Variants in UBR4 observed in about 807,000 individuals in gnomAD.
The protein encoded by UBR4 is E3 ubiquitin-protein ligase UBR4.
Under a neutral mutation model 575.6 loss-of-function variants are expected in UBR4, and 124 were observed. The ratio of observed to expected loss-of-function variants is 0.22; its 90% CI spans 0.19 to 0.25. The LOEUF (loss-of-function observed/expected upper bound fraction) is 0.25, where lower values mean the gene tolerates loss of function less well. Among genes scored for constraint, UBR4 ranks in the 10% least tolerant of loss-of-function variants. The probability of loss-of-function intolerance (pLI) is 1.00; values close to 1 mark genes in which losing one functional copy is unlikely to be tolerated. For missense variants in UBR4, 4,818 were observed against 6,478.8 expected (o/e 0.74, Z 8.80); for synonymous variants, 2,455 against 2,473.7 (o/e 0.99, Z 0.22).
At chr1:19,166,439 C>T (rs1243436477) in intron 29 of UBR4, among the ~76,000 whole-genome samples, 1 of 143,058 alleles carries the variant, frequency 7.0e-6, no homozygotes, top group Non-Finnish European at 1.5e-5. Context: ...TTTAAGTCTC[C>T]AAATCTAAAC....
Position 19,141,427 on chromosome 1 carries a change from A to AT in UBR4, c.8407dup (p.Met2803AsnfsTer7). ...ATCTGCATCAGGTGGGATGTCCAGCATGGGGGGGAAGCCCTCTGCGCCTGC... is the reference window on the plus strand; with the variant it reads ...ATCTGCATCAGGTGGGATGTCCAGCATTGGGGGGGAAGCCCTCTGCGCCTGC... On this transcript the variant is annotated frameshift_variant, in exon 57 of 106. Transcript: ENST00000375254. LOFTEE classifies it high-confidence loss of function. The AT allele has an allele frequency of 6.2e-7, 1 of 1,614,214 alleles. No individual in the cohort carries two copies. The highest frequency in any genetic ancestry group is 8.5e-7 in the Non-Finnish European group (1 of 1,180,026).
intron 97 of UBR4, among the ~76,000 whole-genome samples, chr1:19,091,466 G>A (rs780041150): frequency 6.6e-6 from 1 of 152,154 alleles, no homozygotes; most frequent in African/African-American, 2.4e-5. Flanking sequence ...ACGCAATGCT[G>A]AGGACTCTCA....
intron 15 of UBR4, among the ~76,000 whole-genome samples, chr1:19,184,774 T>C (rs866408417): frequency 3.3e-5 from 5 of 152,096 alleles, no homozygotes; most frequent in African/African-American, 1.2e-4. Flanking sequence ...ACTTTATAAA[T>C]AGTCTCTCTT....
chr1:19,081,519 G>A lies in UBR4; in HGVS notation c.15063C>T (p.Pro5021=). 2 of 1,613,920 alleles carry A rather than the reference G, an allele frequency of 1.2e-6. No homozygotes were observed. Among genetic ancestry groups the A allele is most frequent in the Non-Finnish European group, 1.7e-6 (2 of 1,180,010 alleles). The change falls in exon 103 of 106, where the codon CCC becomes CCT. Residue 5021 remains proline (P), a synonymous_variant. Coordinates refer to ENST00000375254, the MANE Select transcript of UBR4 (RefSeq NM_020765.3). ...EKNLQGFLEQ[P]KEKWVESAFE... ...AGGCACTCTCCACCCACTTCTCCTT[G>A]GGCTGTTCCAGAAAGCCTTGGAGGT...
In UBR4 at chr1:19,097,028, T is replaced by C. The variant is rs185528457; in HGVS notation, c.13390+165A>G. 5.3e-5 allele frequency among the ~76,000 whole-genome samples: 8 copies of C among 151,728 alleles called. No individual in the cohort carries two copies. The East Asian group carries it at 1.6e-3, about 30-fold the overall frequency. On this transcript the variant is annotated intron_variant, in intron 91 of 105. Transcript: ENST00000375254. ...TTTTGAACACTCAGTGGTATCTGCA[T>C]CATGCCACAGACACCTCTTTTTTTC... is the stretch of plus-strand genomic sequence containing the variant.
intron 17 of UBR4, among the ~76,000 whole-genome samples, chr1:19,182,477 G>A (rs1481867461): frequency 4.0e-5 from 6 of 151,792 alleles, no homozygotes; most frequent in Admixed American, 6.6e-5. Flanking sequence ...CTCGCCTCCC[G>A]AGTAGCTGAG....
At chr1:19,161,761 T>C in intron 36 of UBR4, 25 bp from the exon 37 acceptor site, 2 of 1,613,370 alleles carry the variant, frequency 1.2e-6, no homozygotes, top group Non-Finnish European at 1.7e-6. Flanking sequence ...AACCAGCAAA[T>C]AAGCTCAGAA....
At position 19,100,297 on chromosome 1, in the gene UBR4, G is replaced by C; in HGVS notation, c.13221+79C>G. On this transcript the variant is annotated intron_variant, in intron 89 of 105. Transcript: ENST00000375254. The surrounding 1 kb of genome is among the most constrained non-coding windows in gnomAD (Gnocchi z 4.2). The stretch of plus-strand genomic sequence containing the variant: ...CTGCCCCAAGTTAATCAGCTACTAG[G>C]AAGAAGCACCTGGATTTGGTTAGCC... The C allele has an allele frequency of 6.6e-7, 1 of 1,522,968 alleles. No individual in the cohort carries two copies. The highest frequency in any genetic ancestry group is 9.0e-7 in the Non-Finnish European group (1 of 1,105,148). 94.3% of individuals were successfully genotyped at this position (1,522,968 alleles called of 1,614,324 possible). A position where few individuals can be genotyped will look rare whatever the true frequency, so the allele number is the denominator to read the frequency against.
chr1:19,094,123 G>A lies in UBR4; in HGVS notation c.13763C>T (p.Thr4588Ile). ...CATCACCAGTTGATCCTTGTCACCT[G>A]TCAGGAGGAGGTTGCCCTGCAACAG... ...LSEDKGNLLL[T>I]GDKDQLVMLL... Residue 4588 changes from threonine to isoleucine, a missense_variant, in exon 95 of 106, where the codon ACA becomes ATA. Coordinates refer to ENST00000375254, the MANE Select transcript of UBR4 (RefSeq NM_020765.3). The A allele has an allele frequency of 2.5e-6, 4 of 1,613,536 alleles. No homozygotes were observed. Among genetic ancestry groups the A allele is most frequent in the Non-Finnish European group, 3.4e-6 (4 of 1,179,796 alleles).
intron 60 of UBR4, among the ~76,000 whole-genome samples, chr1:19,137,803 T>A (rs536577105): frequency 9.2e-5 from 14 of 152,318 alleles, no homozygotes; most frequent in Middle Eastern, 3.4e-3. Flanking sequence ...CTTTCTATTC[T>A]CTCCGTAATT....
In UBR4 at chr1:19,199,046, A is replaced by G. The variant is rs959720710; in HGVS notation, c.379-118T>C. On this transcript the variant is annotated intron_variant, in intron 3 of 105. Coordinates refer to ENST00000375254, the MANE Select transcript of UBR4 (RefSeq NM_020765.3). ...CCAAATTTAGGTTCATATAAACACT[A>G]AAGCAAAGACTGCAAGCTGATGTCC... is the stretch of plus-strand genomic sequence containing the variant. The G allele has an allele frequency of 4.1e-6, 5 of 1,210,296 alleles. No individual in the cohort carries two copies. In the African/African-American group the frequency reaches 6.1e-5, roughly 15 times the overall value. The allele number at this position is 1,210,296 out of a possible 1,614,324, so 75.0% of individuals were successfully genotyped here.
At chr1:19,077,597 G>A (rs1289550413) in intron 104 of UBR4, among the ~76,000 whole-genome samples, 2 of 152,174 alleles carry the variant, frequency 1.3e-5, no homozygotes, top group Non-Finnish European at 2.9e-5. Context: ...GCCGGGCGTG[G>A]TGGTGCCTGC....
rs1382354995 is a variant in UBR4 at position 19,097,175 on chromosome 1, T to C, written c.13390+18A>G. 1.2e-6 allele frequency: 2 copies of C among 1,602,928 alleles called. No homozygotes were observed. The highest frequency in any genetic ancestry group is 1.7e-5 in the Admixed American group (1 of 57,180). On this transcript the variant is annotated intron_variant, in intron 91 of 105. Transcript: ENST00000375254. ...TGAGTCCCAAGCCTCAGATCCAATGTGCAGTGCCATGATCTACCTGTAGTA... is the reference window on the plus strand; with the variant it reads ...TGAGTCCCAAGCCTCAGATCCAATGCGCAGTGCCATGATCTACCTGTAGTA...
rs1333652131 is a variant in UBR4 at position 19,156,276 on chromosome 1, C to T, written c.6067G>A (p.Val2023Ile). Residue 2023 changes from valine to isoleucine, a missense_variant, in exon 42 of 106, where the codon GTT (valine) becomes ATT (isoleucine). Val to Ile is a conservative substitution (Grantham distance 29). Transcript: ENST00000375254. ...TCAAAGAACTGTAACTGTACCTTAA[C>T]AAAGTCTGCGGTGACAATTGCTAAC... ...TELAIVTADF[V>I]KIYDLCVDAL... 6.2e-7 allele frequency: 1 copy of T among 1,613,952 alleles called. No homozygotes were observed. The highest frequency in any genetic ancestry group is 8.5e-7 in the Non-Finnish European group (1 of 1,179,976).
chr1:19,143,314 GAAA>G (rs2084348788), intron 55 of UBR4, among the ~76,000 whole-genome samples: 2 of 141,784 alleles, frequency 1.4e-5, no homozygotes, highest in South Asian at 2.3e-4. Flanking sequence ...AAGAAAGAAA[GAAA>G]GAAAATTTAA....
chr1:19,153,398 G>C lies in UBR4; in HGVS notation c.6735C>G (p.Asn2245Lys). 1 of 1,614,166 alleles carries C rather than the reference G, an allele frequency of 6.2e-7. No individual in the cohort carries two copies. Among genetic ancestry groups the C allele is most frequent in the Non-Finnish European group, 8.5e-7 (1 of 1,180,020 alleles). ...EDGSLRIYMA[N>K]VENTSYWLQP... ...GCAGCCAGTAGGAGGTGTTCTCCAC[G>C]TTGGCCATGTAAATGCGCAGGCTGC... Residue 2245 changes from asparagine to lysine, a missense_variant, in exon 46 of 106, where the codon AAC becomes AAG. Physicochemically the swap from Asn to Lys is moderately conservative, Grantham distance 94. This residue lies in a region of UBR4 where 461 missense variants were observed against 606.9 expected (regional missense o/e 0.76). Transcript: ENST00000375254. The surrounding 1 kb of genome is among the most constrained non-coding windows in gnomAD (Gnocchi z 4.1).
chr1:19,199,655 G>A lies in UBR4; in HGVS notation c.374C>T (p.Ser125Phe). The A allele has an allele frequency of 6.2e-7, 1 of 1,613,994 alleles. No individual in the cohort carries two copies. The highest frequency in any genetic ancestry group is 8.5e-7 in the Non-Finnish European group (1 of 1,179,946). The part of the protein sequence containing the change: ...LENPDEACAV[S>F]QKHLILLIKG... ...AAATGGGCCCATCACTCTCACCTGG[G>A]ACACAGCACAAGCCTCATCTGGATT... is the stretch of plus-strand genomic sequence containing the variant. Residue 125 changes from serine (S) to phenylalanine (F), a missense_variant, in exon 3 of 106, where the codon TCC becomes TTC. Transcript: ENST00000375254.
rs1276569245 is a variant in UBR4, at chr1:19,153,406, T to C, written c.6727A>G (p.Met2243Val). ...LCEDGSLRIY[M>V]ANVENTSYWL... ...TAGGAGGTGTTCTCCACGTTGGCCA[T>C]GTAAATGCGCAGGCTGCCATCCTCA... Residue 2243 changes from methionine to valine, a missense_variant, in exon 46 of 106, where the codon ATG (methionine) becomes GTG (valine). By Grantham distance (21) the Met-to-Val change is conservative. Coordinates refer to ENST00000375254, the MANE Select transcript of UBR4 (RefSeq NM_020765.3). The surrounding 1 kb of genome is among the most constrained non-coding windows in gnomAD (Gnocchi z 4.1). The C allele has an allele frequency of 7.4e-6, 12 of 1,614,206 alleles. No homozygotes were observed. Among genetic ancestry groups the C allele is most frequent in the East Asian group, 4.5e-5 (2 of 44,882 alleles).
At chr1:19,196,378 A>C (rs1454406779) in intron 8 of UBR4, among the ~76,000 whole-genome samples, 2 of 152,230 alleles carry the variant, frequency 1.3e-5, no homozygotes, top group Admixed American at 1.3e-4. Context: ...GGTGTCCCCA[A>C]GGTCAGGTCT....
Sources: gnomAD v4.1 joint callset for allele counts (sites outside exome capture counted in the v4.1 genomes callset) on GRCh38, gnomAD v4.1.1 for gene constraint, gnomAD v4.1.1 regional missense constraint, Gnocchi (gnomAD v3.1) non-coding constraint, MANE v1.5 for transcripts, NCBI Gene and HGNC (gene_info 2026-07-23, HGNC 2026-07-21) for gene names.